The following ZNF385D variants were observed in gnomAD, a reference collection of about 807,000 sequenced individuals.
The protein encoded by ZNF385D is zinc finger protein 659.
ZNF385D carries 15 observed loss-of-function variants against 35.8 expected under a neutral mutation model. The observed-to-expected ratio is 0.42, with a 90% confidence interval of 0.28 to 0.64. The LOEUF (loss-of-function observed/expected upper bound fraction) is 0.64, where lower values mean the gene tolerates loss of function less well. Among genes scored for constraint, ZNF385D ranks in the 30% least tolerant of loss-of-function variants. The probability of loss-of-function intolerance (pLI) is 0.23; values close to 1 mark genes in which losing one functional copy is unlikely to be tolerated. For synonymous variants in ZNF385D, 212 were observed against 186.8 expected (o/e 1.13, Z -1.10); for missense variants, 474 against 494.6 (o/e 0.96, Z 0.39).
intron 1 of ZNF385D, among the ~76,000 whole-genome samples, chr3:21,732,432 T>C (rs2069064732): frequency 6.6e-6 from 1 of 152,140 alleles, no homozygotes; most frequent in South Asian, 2.1e-4. Flanking sequence ...GATCATATGG[T>C]AAAAAGAAGT....
At chr3:21,851,570 A>C (rs1696390202) in intron 3 of ZNF385D, among the ~76,000 whole-genome samples, 1 of 152,064 alleles carries the variant, frequency 6.6e-6, no homozygotes, top group African/African-American at 2.4e-5. Flanking sequence ...CACTTAAAAA[A>C]CACTCAACAG....
At chr3:21,632,777 A>T (rs569860818) in intron 2 of ZNF385D, among the ~76,000 whole-genome samples, 1 of 152,276 alleles carries the variant, frequency 6.6e-6, no homozygotes, top group Admixed American at 6.5e-5. Flanking sequence ...TTGGAGAAGC[A>T]AAATAGAAAC....
chr3:21,998,246 C>T (rs751588007), intron 3 of ZNF385D, among the ~76,000 whole-genome samples: 2 of 152,090 alleles, frequency 1.3e-5, no homozygotes, highest in Non-Finnish European at 2.9e-5. Flanking sequence ...TCCATGAGTG[C>T]TACTCTGCCT....
chr3:22,256,879 TATG>T (rs1359480842), intron 2 of ZNF385D, among the ~76,000 whole-genome samples: 4 of 152,024 alleles, frequency 2.6e-5, no homozygotes, highest in South Asian at 2.1e-4. Context: ...CAAGTAAATG[TATG>T]ATGTCACATT....
intron 3 of ZNF385D, among the ~76,000 whole-genome samples, chr3:22,004,834 C>G (rs1603667): frequency 6.6e-6 from 1 of 152,022 alleles, no homozygotes; most frequent in Non-Finnish European, 1.5e-5. Context: ...CCTTTCAGGA[C>G]TGAACAAATG....
intron 2 of ZNF385D, among the ~76,000 whole-genome samples, chr3:22,280,041 T>G (rs1701657000): frequency 6.6e-6 from 1 of 152,122 alleles, no homozygotes; most frequent in African/African-American, 2.4e-5. Flanking sequence ...GTTAGTGATG[T>G]TGAACATTTT....
intron 3 of ZNF385D, among the ~76,000 whole-genome samples, chr3:21,882,198 T>C (rs1452065452): frequency 1.3e-5 from 2 of 152,126 alleles, no homozygotes; most frequent in Admixed American, 1.3e-4. Flanking sequence ...CAGCATTGCA[T>C]GCTACAGAGA....
intron 3 of ZNF385D, among the ~76,000 whole-genome samples, chr3:22,044,078 G>A (rs1185969312): frequency 2.2e-5 from 3 of 136,958 alleles, no homozygotes; most frequent in Non-Finnish European, 1.6e-5. Flanking sequence ...GATGAAACAC[G>A]AAACCTGGGA....
chr3:22,033,892 T>C (rs1007670452), intron 3 of ZNF385D, among the ~76,000 whole-genome samples: 8 of 152,182 alleles, frequency 5.3e-5, no homozygotes, highest in African/African-American at 1.9e-4. Context: ...TACCAATTCA[T>C]CCTACTTCAC....
chr3:21,758,992 A>AACAAAAC (rs1559593463), intron 3 of ZNF385D, among the ~76,000 whole-genome samples: 1 of 147,856 alleles, frequency 6.8e-6, no homozygotes, highest in African/African-American at 2.5e-5. Flanking sequence ...AAAAAAAAAA[A>AACAAAAC]AAAAAAAAAA....
chr3:21,699,310 G>A (rs1344131577), intron 1 of ZNF385D, among the ~76,000 whole-genome samples: 1 of 152,036 alleles, frequency 6.6e-6, no homozygotes, highest in African/African-American at 2.4e-5. Flanking sequence ...GACACAGGGA[G>A]GGGAACATCA....
intron 2 of ZNF385D, among the ~76,000 whole-genome samples, chr3:22,234,870 C>T (rs1699089745): frequency 6.6e-6 from 1 of 151,922 alleles, no homozygotes. Flanking sequence ...CATCAACTAT[C>T]CTGCATTATA....
intron 1 of ZNF385D, among the ~76,000 whole-genome samples, chr3:21,693,556 A>G (rs979525628): frequency 1.3e-5 from 2 of 152,186 alleles, no homozygotes; most frequent in African/African-American, 4.8e-5. Flanking sequence ...CACTTGTGCC[A>G]CTTGACCTCC....
chr3:21,813,037 A>G (rs2073000464), intron 3 of ZNF385D, among the ~76,000 whole-genome samples: 1 of 152,302 alleles, frequency 6.6e-6, no homozygotes, highest in East Asian at 1.9e-4. Flanking sequence ...CTGTTCTGCA[A>G]TATTTGCTGT....
chr3:22,038,688 A>C (rs776157843), intron 3 of ZNF385D, among the ~76,000 whole-genome samples: 3 of 152,048 alleles, frequency 2.0e-5, no homozygotes, highest in Non-Finnish European at 4.4e-5. Context: ...GATCTAATAA[A>C]CAAAAAGTTA....
chr3:21,826,104 G>C (rs1055049588), intron 3 of ZNF385D, among the ~76,000 whole-genome samples: 1 of 152,168 alleles, frequency 6.6e-6, no homozygotes, highest in East Asian at 1.9e-4. Context: ...AAACGTTGGG[G>C]ACGGCTGCTC....
At chr3:21,743,702 A>C (rs554247384) in intron 1 of ZNF385D, among the ~76,000 whole-genome samples, 2 of 152,302 alleles carry the variant, frequency 1.3e-5, no homozygotes, top group South Asian at 4.2e-4. Flanking sequence ...TACCTCCCAC[A>C]GGCCCCACCT....
intron 4 of ZNF385D, among the ~76,000 whole-genome samples, chr3:21,477,156 G>T (rs895143480): frequency 2.6e-5 from 4 of 152,268 alleles, no homozygotes; most frequent in Non-Finnish European, 5.9e-5. Flanking sequence ...GAGGAGGGTG[G>T]ATCACTTGAG....
intron 1 of ZNF385D, among the ~76,000 whole-genome samples, chr3:21,725,382 A>G (rs1029218057): frequency 1.3e-5 from 2 of 152,196 alleles, no homozygotes; most frequent in Non-Finnish European, 2.9e-5. Context: ...CAAAAAATCA[A>G]TGAATCCAGG....
Sources: gnomAD v4.1 joint callset for allele counts (sites outside exome capture counted in the v4.1 genomes callset) on GRCh38, gnomAD v4.1.1 for gene constraint, MANE v1.5 for transcripts, NCBI Gene and HGNC (gene_info 2026-07-23, HGNC 2026-07-21) for gene names.